CCDC6: variants seen among roughly 807,000 people sequenced by gnomAD.
CCDC6 encodes the protein coiled-coil domain-containing protein 6.
CCDC6 carries 20 observed loss-of-function variants against 56.6 expected under a neutral mutation model. The observed-to-expected ratio is 0.35, with a 90% CI of 0.25 to 0.51. The LOEUF (loss-of-function observed/expected upper bound fraction) is 0.51. Ranked by LOEUF, CCDC6 falls within the 20% of genes least tolerant of loss-of-function variation. The pLI is 0.95. For missense variants in CCDC6, 367 were observed against 601.1 expected, an observed-to-expected ratio of 0.61 and a Z score of 4.07; for synonymous variants, 241 against 234.4, an observed-to-expected ratio of 1.03 and a Z score of -0.26.
At chr10:59,795,722 T>C (rs10821597) in intron 7 of CCDC6, among the ~76,000 whole-genome samples, 76,479 of 150,284 alleles carry the variant, frequency 0.51, 20,735 homozygotes, top group African/African-American at 0.72. Flanking sequence ...TCAGAACATG[T>C]GGTGTTTCGT....
chr10:59,883,843 A>T (rs1295030079), intron 1 of CCDC6, among the ~76,000 whole-genome samples: 2 of 152,230 alleles, frequency 1.3e-5, no homozygotes, highest in Non-Finnish European at 2.9e-5. Context: ...TATGCAGTAT[A>T]AACTGGATAA....
intron 2 of CCDC6, among the ~76,000 whole-genome samples, chr10:59,840,955 TTCA>T (rs1470868325): frequency 6.6e-6 from 1 of 152,194 alleles, no homozygotes; most frequent in Admixed American, 6.5e-5. Context: ...CCATAATCTC[TTCA>T]TGACACAGCA....
chr10:59,829,057 G>A (rs564651112), intron 3 of CCDC6, among the ~76,000 whole-genome samples: 1 of 152,210 alleles, frequency 6.6e-6, no homozygotes, highest in African/African-American at 2.4e-5. Flanking sequence ...CCTATGAAAA[G>A]AATGAATGAT....
At chr10:59,826,628 G>A (rs2070790312) in intron 3 of CCDC6, among the ~76,000 whole-genome samples, 2 of 152,190 alleles carry the variant, frequency 1.3e-5, no homozygotes, top group South Asian at 4.1e-4. Flanking sequence ...TGCAATACAG[G>A]TGTACTGGAT....
intron 2 of CCDC6, among the ~76,000 whole-genome samples, chr10:59,833,333 C>A (rs1033312013): frequency 6.6e-6 from 1 of 151,992 alleles, no homozygotes; most frequent in Non-Finnish European, 1.5e-5. Context: ...CCTGTAATCC[C>A]GGCTACTTGG....
At chr10:59,882,046 CCAGGGGGAGAAGGAAAGGAAAGCCG>C (rs1564755818) in intron 1 of CCDC6, among the ~76,000 whole-genome samples, 8 of 117,720 alleles carry the variant, frequency 6.8e-5, no homozygotes, top group African/African-American at 2.5e-4. Flanking sequence ...GAAAGGAAAG[CCAGGGGGAGAAGGAAAGGAAAGCCG>C]CGGGGAGAAG....
At chr10:59,880,373 G>A (rs567935879) in intron 1 of CCDC6, among the ~76,000 whole-genome samples, 65 of 152,272 alleles carry the variant, frequency 4.3e-4, no homozygotes, top group Middle Eastern at 6.8e-3. Flanking sequence ...AATCTCAGAC[G>A]GGAAGAGACC....
intron 1 of CCDC6, among the ~76,000 whole-genome samples, chr10:59,859,711 C>A (rs1216650288): frequency 2.6e-5 from 4 of 152,028 alleles, no homozygotes; most frequent in Non-Finnish European, 4.4e-5. Context: ...TAAGTAAAGA[C>A]TAAGAAGACA....
In CCDC6 at chr10:59,869,679, C is replaced by T. The variant is rs145821204; in HGVS notation, c.304-16977G>A. 8.4e-3 allele frequency among the ~76,000 whole-genome samples: 1,281 copies of T among 152,194 alleles called. 16 individuals are homozygous for T. Among genetic ancestry groups the T allele is most frequent in the African/African-American group, 0.029 (1,198 of 41,520 alleles). On this transcript the variant is annotated intron_variant, in intron 1 of 8. Coordinates refer to ENST00000263102, the MANE Select transcript of CCDC6 (RefSeq NM_005436.5). ...CTTCCACTCTTGTGCTCATACAACC[C>T]GTGCTCATTCTGCACACCCACAGTT...
intron 1 of CCDC6, among the ~76,000 whole-genome samples, chr10:59,882,647 T>C (rs2071352860): frequency 1.7e-5 from 1 of 59,366 alleles, no homozygotes; most frequent in African/African-American, 4.3e-5. Flanking sequence ...AGTGGTGACA[T>C]GGAAGTGGTA....
intron 3 of CCDC6, among the ~76,000 whole-genome samples, chr10:59,815,283 G>A (rs2070702088): frequency 6.6e-6 from 1 of 152,112 alleles, no homozygotes; most frequent in Admixed American, 6.5e-5. Flanking sequence ...CACAATACTG[G>A]TTACTCTAGG....
rs558689469 is a variant in CCDC6, at chr10:59,832,485, C to G, written c.582+40G>C. On this transcript the variant is annotated intron_variant, in intron 3 of 8. Transcript: ENST00000263102. ...AAAGCTTAAAAGAACAAGCTGAGAA[C>G]GAGAAAATACAATGTAAAGGAAGAG... 6 of 1,574,912 alleles carry G rather than the reference C, an allele frequency of 3.8e-6. No individual in the cohort carries two copies. In the South Asian group the frequency reaches 7.1e-5, roughly 19 times the overall value.
rs1397746914 is a variant in CCDC6 at position 59,790,308 on chromosome 10, A to AT, written c.*2608dup. On this transcript the variant is annotated 3_prime_UTR_variant, in exon 9 of 9. Transcript: ENST00000263102. ...CCACCTGCCTGCAGGACGGCTACTG[A>AT]TTTTACAAAGGCCTTCTGGGAGCCA... 2 of 218,244 alleles carry AT rather than the reference A, an allele frequency of 9.2e-6. No individual in the cohort carries two copies. The highest frequency in any genetic ancestry group is 1.2e-4 in the Admixed American group (2 of 17,220). The allele number at this position is 218,244 out of a possible 1,614,324, so 13.5% of individuals were successfully genotyped here. A position where few individuals can be genotyped will look rare whatever the true frequency, so the allele number is the denominator to read the frequency against.
intron 2 of CCDC6, among the ~76,000 whole-genome samples, chr10:59,838,782 C>T (rs1439138363): frequency 1.3e-5 from 2 of 152,170 alleles, no homozygotes; most frequent in East Asian, 3.9e-4. Context: ...AACCATGCCA[C>T]TCACTCTGCC....
At chr10:59,832,291 T>C (rs536982819) in intron 3 of CCDC6, among the ~76,000 whole-genome samples, 1 of 152,308 alleles carries the variant, frequency 6.6e-6, no homozygotes, top group South Asian at 2.1e-4. Context: ...AATCAGTACA[T>C]CACAACTTAT....
At chr10:59,892,136 C>A (rs923384816) in intron 1 of CCDC6, among the ~76,000 whole-genome samples, 1 of 152,212 alleles carries the variant, frequency 6.6e-6, no homozygotes, top group Non-Finnish European at 1.5e-5. Context: ...TAGGGCGTTG[C>A]CCATCAAAGT....
At chr10:59,834,370 TA>T (rs58975656) in intron 2 of CCDC6, among the ~76,000 whole-genome samples, 26,261 of 151,778 alleles carry the variant, frequency 0.17, 3,048 homozygotes, top group African/African-American at 0.33. Context: ...CTGTCTCTAC[TA>T]AAAATACAAA....
At chr10:59,801,822 T>C (rs923356332) in intron 7 of CCDC6, among the ~76,000 whole-genome samples, 11 of 152,180 alleles carry the variant, frequency 7.2e-5, no homozygotes, top group African/African-American at 2.7e-4. Context: ...TTTTGGTGTT[T>C]GGGAGCTCCT....
At chr10:59,895,509 A>G (rs1453707023) in intron 1 of CCDC6, among the ~76,000 whole-genome samples, 2 of 152,304 alleles carry the variant, frequency 1.3e-5, no homozygotes, top group East Asian at 3.9e-4. Context: ...ATCGTATAGG[A>G]CTGTGGTGAG....
Sources: allele counts gnomAD v4.1 joint callset (sites outside exome capture counted in the v4.1 genomes callset), GRCh38; gene constraint gnomAD v4.1.1; transcripts MANE v1.5; gene names NCBI Gene and HGNC (gene_info 2026-07-23, HGNC 2026-07-21).